Variants in LAMA2 observed in about 807,000 individuals in gnomAD.
LAMA2 encodes the protein laminin subunit alpha-2.
Under a neutral mutation model 364.8 loss-of-function variants are expected in LAMA2, and 269 were observed. The observed-to-expected ratio is 0.74, with a 90% CI of 0.67 to 0.82. The LOEUF is 0.82. Ranked by LOEUF, LAMA2 falls within the 40% of genes least tolerant of loss-of-function variation. LAMA2 has a pLI of 0.00. For synonymous variants in LAMA2, 1,379 were observed against 1,370.6 expected (o/e 1.01, Z -0.14); for missense variants, 3,807 against 3,873.2 (o/e 0.98, Z 0.45).
chr6:128,958,256 T>C (rs1335142855), intron 1 of LAMA2, among the ~76,000 whole-genome samples: 2 of 152,170 alleles, frequency 1.3e-5, no homozygotes, highest in Non-Finnish European at 2.9e-5. Flanking sequence ...CATTGTTCTA[T>C]GAAATCCAAA....
intron 45 of LAMA2, among the ~76,000 whole-genome samples, chr6:129,449,597 A>G (rs1782561986): frequency 6.6e-6 from 1 of 152,130 alleles, no homozygotes; most frequent in South Asian, 2.1e-4. Flanking sequence ...CATAGCAGTT[A>G]CTCTGTAGGA....
intron 4 of LAMA2, among the ~76,000 whole-genome samples, chr6:129,138,873 G>A (rs936838882): frequency 1.3e-5 from 2 of 152,218 alleles, no homozygotes; most frequent in South Asian, 2.1e-4. Flanking sequence ...TGAGCACTGT[G>A]GTGCTCTATT....
At chr6:129,025,962 A>G (rs1785780931) in intron 1 of LAMA2, among the ~76,000 whole-genome samples, 1 of 152,160 alleles carries the variant, frequency 6.6e-6, no homozygotes, top group Non-Finnish European at 1.5e-5. Context: ...GCACAAACAC[A>G]CACACATGCA....
chr6:129,467,839 C>T (rs546712266), intron 51 of LAMA2, among the ~76,000 whole-genome samples: 16 of 151,906 alleles, frequency 1.1e-4, no homozygotes, highest in Non-Finnish European at 2.2e-4. Context: ...TTTACTGTAA[C>T]TACAGCATTC....
At chr6:129,231,109 T>A (rs73774772) in intron 12 of LAMA2, among the ~76,000 whole-genome samples, 1 of 152,188 alleles carries the variant, frequency 6.6e-6, no homozygotes, top group East Asian at 1.9e-4. Context: ...CATTTCCTTC[T>A]TTTTTAGAAT....
chr6:129,048,435 T>TC (rs1787693748), intron 1 of LAMA2, among the ~76,000 whole-genome samples: 1 of 150,970 alleles, frequency 6.6e-6, no homozygotes, highest in Non-Finnish European at 1.5e-5. Context: ...AAGGTTTCTT[T>TC]TTTCTTTTCT....
chr6:128,970,617 A>G (rs1227309419), intron 1 of LAMA2, among the ~76,000 whole-genome samples: 1 of 152,246 alleles, frequency 6.6e-6, no homozygotes, highest in East Asian at 1.9e-4. Flanking sequence ...ATGCCGGAAC[A>G]TCAACAAATA....
At chr6:129,491,564 A>G (rs1351070981) in intron 56 of LAMA2, among the ~76,000 whole-genome samples, 1 of 152,156 alleles carries the variant, frequency 6.6e-6, no homozygotes, top group Non-Finnish European at 1.5e-5. Flanking sequence ...AAACCTGCCA[A>G]CCCTTATACG....
chr6:129,215,535 A>G (rs972566045), intron 12 of LAMA2, among the ~76,000 whole-genome samples: 2 of 152,156 alleles, frequency 1.3e-5, no homozygotes, highest in African/African-American at 4.8e-5. Flanking sequence ...GCTCATATCT[A>G]TTTCTCAAGG....
intron 5 of LAMA2, among the ~76,000 whole-genome samples, chr6:129,144,829 A>G (rs1463512819): frequency 6.6e-6 from 1 of 152,040 alleles, no homozygotes; most frequent in Admixed American, 6.6e-5. Context: ...CTTTTTGAAC[A>G]CAAGAGCTAA....
chr6:129,257,933 A>G (rs1032755815), intron 14 of LAMA2, among the ~76,000 whole-genome samples: 40 of 152,106 alleles, frequency 2.6e-4, no homozygotes, highest in African/African-American at 9.4e-4. Context: ...CATTGTTTGT[A>G]ATAGAACTGT....
At chr6:129,381,020 G>T (rs1365518831) in intron 34 of LAMA2, among the ~76,000 whole-genome samples, 3 of 152,168 alleles carry the variant, frequency 2.0e-5, no homozygotes, top group Non-Finnish European at 4.4e-5. Flanking sequence ...TTAAAATTTA[G>T]ACACTTTGAG....
chr6:129,481,186 G>C (rs1235920655), intron 54 of LAMA2, 77 bp from the exon 55 acceptor site: 1 of 1,088,332 alleles, frequency 9.2e-7, no homozygotes, highest in Non-Finnish European at 1.4e-6. Context: ...ATTGCATCGA[G>C]GAGGGTGAGT....
intron 20 of LAMA2, chr6:129,292,995 G>T (rs1174185298): frequency 1.0e-6 from 1 of 985,752 alleles, no homozygotes. Context: ...ACGGGTGCTG[G>T]GTTCTCCTCA....
chr6:128,939,604 C>T (rs180728011), intron 1 of LAMA2, among the ~76,000 whole-genome samples: 47 of 152,154 alleles, frequency 3.1e-4, no homozygotes, highest in Non-Finnish European at 3.2e-4. Context: ...TTCCACCCAA[C>T]GATGAAAGAC....
intron 62 of LAMA2, among the ~76,000 whole-genome samples, 193 bp downstream of exon 62, chr6:129,507,835 G>A (rs968186244): frequency 6.6e-6 from 1 of 152,118 alleles, no homozygotes; most frequent in Non-Finnish European, 1.5e-5. Flanking sequence ...AGAATTAATA[G>A]AAGAAATAAA....
chr6:129,039,500 C>T (rs1786924632), intron 1 of LAMA2, among the ~76,000 whole-genome samples: 1 of 152,096 alleles, frequency 6.6e-6, no homozygotes, highest in Admixed American at 6.6e-5. Flanking sequence ...AGGTGACAGG[C>T]AACTCACAAA....
intron 1 of LAMA2, among the ~76,000 whole-genome samples, chr6:129,027,555 C>G (rs1351138645): frequency 6.6e-6 from 1 of 151,794 alleles, no homozygotes; most frequent in African/African-American, 2.4e-5. Context: ...CATCTACAGA[C>G]AAAGAATCAA....
chr6:129,478,932 C>T (rs1784219856), intron 54 of LAMA2, 119 bp downstream of exon 54: 1 of 879,826 alleles, frequency 1.1e-6, no homozygotes, highest in Admixed American at 1.8e-5. Flanking sequence ...ACTGATCCTA[C>T]TCTTAAACGA....
Sources: gnomAD v4.1 joint callset for allele counts (sites outside exome capture counted in the v4.1 genomes callset) on GRCh38, gnomAD v4.1.1 for gene constraint, MANE v1.5 for transcripts, NCBI Gene and HGNC (gene_info 2026-07-23, HGNC 2026-07-21) for gene names.